OR7E24: variants seen among roughly 807,000 people sequenced by gnomAD.
OR7E24 encodes the protein olfactory receptor family 7 subfamily E member 24, also known as olfactory receptor 7E24.
For missense variants in OR7E24, 385 were observed against 410.3 expected, an observed-to-expected ratio of 0.94 and a Z score of 0.53; for synonymous variants, 130 against 157.5, an observed-to-expected ratio of 0.83 and a Z score of 1.31.
the OR7E24 span, among the ~76,000 whole-genome samples, chr19:9,226,556 G>C: frequency 1.3e-5 from 2 of 152,256 alleles, no homozygotes; most frequent in Non-Finnish European, 2.9e-5. Flanking sequence ...CCTAATGCTT[G>C]CTTGGACCAG....
At chr19:9,229,786 C>T in the OR7E24 span, among the ~76,000 whole-genome samples, 1 of 152,108 alleles carries the variant, frequency 6.6e-6, no homozygotes, top group Non-Finnish European at 1.5e-5. Context: ...AGAGTTCAAC[C>T]CTTGAGGCAA....
the OR7E24 span, among the ~76,000 whole-genome samples, chr19:9,238,364 G>A: frequency 2.0e-5 from 3 of 152,120 alleles, no homozygotes; most frequent in African/African-American, 7.2e-5. Context: ...GATTCATTGA[G>A]CATCTTTCCA....
upstream of OR7E24, among the ~76,000 whole-genome samples, chr19:9,248,357 G>A (rs2144939921): frequency 6.6e-6 from 1 of 152,246 alleles, no homozygotes; most frequent in East Asian, 1.9e-4. Context: ...TTGTACAGAG[G>A]AGGAAAGGAG....
upstream of OR7E24, among the ~76,000 whole-genome samples, chr19:9,243,406 C>T (rs921416738): frequency 2.7e-4 from 40 of 149,720 alleles, no homozygotes; most frequent in African/African-American, 9.4e-4. Flanking sequence ...TACAGTGGCT[C>T]ACTGAAATCT....
the OR7E24 span, chr19:9,213,864 G>A: frequency 6.2e-6 from 9 of 1,446,978 alleles, no homozygotes; most frequent in Middle Eastern, 1.8e-4. Flanking sequence ...TTAGGGGTAC[G>A]CAGTGTGTCC....
At chr19:9,216,551 C>T in the OR7E24 span, among the ~76,000 whole-genome samples, 1 of 152,108 alleles carries the variant, frequency 6.6e-6, no homozygotes, top group African/African-American at 2.4e-5. Flanking sequence ...ACTATGATTT[C>T]TGTGTCATAC....
the OR7E24 span, chr19:9,214,431 A>T: frequency 6.2e-7 from 1 of 1,614,214 alleles, no homozygotes; most frequent in South Asian, 1.1e-5. Flanking sequence ...GCAGGGGTTC[A>T]TGATGACCGT....
the OR7E24 span, among the ~76,000 whole-genome samples, chr19:9,232,433 G>A: frequency 1.3e-5 from 2 of 151,416 alleles, no homozygotes; most frequent in Admixed American, 6.6e-5. Flanking sequence ...AGCTATTCAG[G>A]AGGCTGAGGC....
Position 9,251,128 on chromosome 19 carries a change from G to A in OR7E24, c.85G>A (p.Glu29Lys), listed in dbSNP as rs1214516072. Residue 29 changes from glutamate to lysine, a missense_variant, in exon 1 of 1, where the codon GAA becomes AAA. Glu to Lys is a moderately conservative substitution (Grantham distance 56). Coordinates refer to ENST00000456448, the MANE Select transcript of OR7E24 (RefSeq NM_001079935.2). ...GCCACAGAATCTCACAGGTGTCTCA[G>A]AATTCCTCCTCCTGGGACTCTCAGA... is the stretch of plus-strand genomic sequence containing the variant. ...TEPQNLTGVS[E>K]FLLLGLSEDP... The A allele has an allele frequency of 6.2e-7, 1 of 1,613,454 alleles. No individual in the cohort carries two copies. Among genetic ancestry groups the A allele is most frequent in the African/African-American group, 1.3e-5 (1 of 74,794 alleles).
At position 9,251,907 on chromosome 19, in the gene OR7E24, G is replaced by T; in HGVS notation, c.864G>T (p.Lys288Asn). 1.9e-6 allele frequency: 3 copies of T among 1,614,196 alleles called. No individual in the cohort carries two copies. The highest frequency in any genetic ancestry group is 2.5e-6 in the Non-Finnish European group (3 of 1,180,038). ...LSSAVLPSPRKSMVASVMYTV... is the reference protein window; with the variant it reads ...LSSAVLPSPRNSMVASVMYTV... ...CAGCTGTGTTACCATCCCCCAGGAA[G>T]AGTATGGTGGCTTCAGTGATGTACA... The change falls in exon 1 of 1, where the codon AAG (lysine) becomes AAT (asparagine). Residue 288 changes from lysine to asparagine, a missense_variant. By Grantham distance (94) the Lys-to-Asn change is moderately conservative (BLOSUM62 0). Transcript: ENST00000456448.
At chr19:9,215,160 T>A in the OR7E24 span, among the ~76,000 whole-genome samples, 5 of 152,026 alleles carry the variant, frequency 3.3e-5, no homozygotes, top group African/African-American at 1.2e-4. Context: ...CTGGCCAATA[T>A]GGTGAAACCC....
the OR7E24 span, chr19:9,214,725 G>A: frequency 1.0e-4 from 169 of 1,613,968 alleles, 1 homozygote; most frequent in South Asian, 6.5e-4. Flanking sequence ...CCCCAGCACC[G>A]TGACCAGGTA....
chr19:9,214,050 G>C, the OR7E24 span: 28 of 1,614,162 alleles, frequency 1.7e-5, no homozygotes, highest in Non-Finnish European at 2.4e-5. Flanking sequence ...ATGGGTCACA[G>C]CAGAACTCAG....
At chr19:9,239,708 T>TTC in the OR7E24 span, among the ~76,000 whole-genome samples, 7,944 of 124,114 alleles carry the variant, frequency 0.064, 496 homozygotes, top group African/African-American at 0.21. Flanking sequence ...TTTCTTTTTC[T>TTC]TTTTTTTTTT....
chr19:9,218,643 T>TG, the OR7E24 span, among the ~76,000 whole-genome samples: 20 of 151,976 alleles, frequency 1.3e-4, no homozygotes, highest in East Asian at 7.7e-4. Flanking sequence ...GATTTTTTTT[T>TG]GGGGGGGACA....
At chr19:9,212,771 G>A in the OR7E24 span, 1 of 151,298 alleles carries the variant, frequency 6.6e-6, no homozygotes, top group East Asian at 2.0e-4. Context: ...TTTTTGGTTT[G>A]AGACAGGGTC....
chr19:9,252,160 G>T lies in OR7E24; in HGVS notation c.*97G>T, dbSNP rs58039687. The T allele has an allele frequency of 2.4e-5, 23 of 975,456 alleles. No homozygotes were observed. In the African/African-American group the frequency reaches 3.3e-4, roughly 14 times the overall value. 60.4% of individuals were successfully genotyped at this position (975,456 alleles called of 1,614,324 possible). On this transcript the variant is annotated 3_prime_UTR_variant, in exon 1 of 1. Coordinates refer to ENST00000456448, the MANE Select transcript of OR7E24 (RefSeq NM_001079935.2). ...TGGCTTTCATTCCTCTCTGGGTTTC[G>T]TATGTGAATATTGCTTGCTTTGTTT...
chr19:9,224,291 T>C, the OR7E24 span, among the ~76,000 whole-genome samples: 1 of 152,202 alleles, frequency 6.6e-6, no homozygotes, highest in Non-Finnish European at 1.5e-5. Context: ...AATCAGGTTA[T>C]AGTGGGAAAT....
the OR7E24 span, chr19:9,219,681 G>GC: frequency 1.3e-5 from 2 of 152,202 alleles, no homozygotes; most frequent in Non-Finnish European, 2.9e-5. Flanking sequence ...TGTCTCAAGA[G>GC]TTGAATTCTC....
Sources: allele counts gnomAD v4.1 joint callset (sites outside exome capture counted in the v4.1 genomes callset), GRCh38; gene constraint gnomAD v4.1.1; transcripts MANE v1.5; gene names NCBI Gene and HGNC (gene_info 2026-07-23, HGNC 2026-07-21).